The following SHISA9 variants were observed in gnomAD, a reference collection of about 807,000 sequenced individuals.
The protein encoded by SHISA9 is protein shisa-9.
In SHISA9, 13 loss-of-function variants were observed where a neutral mutation model predicts 38.0. The observed-to-expected ratio is 0.34, with a 90% CI of 0.22 to 0.54. SHISA9 has a LOEUF of 0.54. SHISA9 is among the 20% of genes least tolerant of loss of function. The pLI is 0.91. For synonymous variants in SHISA9, 275 were observed against 242.0 expected (o/e 1.14, Z -1.27); for missense variants, 538 against 575.8 (o/e 0.93, Z 0.67).
At chr16:13,178,431 T>C (rs1450370850) in intron 2 of SHISA9, among the ~76,000 whole-genome samples, 1 of 152,108 alleles carries the variant, frequency 6.6e-6, no homozygotes, top group Non-Finnish European at 1.5e-5. Context: ...CCTCCCATCT[T>C]GGGCCCCACG....
intron 2 of SHISA9, among the ~76,000 whole-genome samples, chr16:13,061,993 G>C (rs1453315596): frequency 6.6e-6 from 1 of 152,162 alleles, no homozygotes; most frequent in East Asian, 1.9e-4. Flanking sequence ...GGCTGGACTT[G>C]AGTGAGGCAG....
chr16:13,315,713 G>C, the SHISA9 span, among the ~76,000 whole-genome samples: 7 of 152,332 alleles, frequency 4.6e-5, no homozygotes, highest in Non-Finnish European at 1.0e-4. Context: ...GCATGGAGGA[G>C]TGCCTGGTGC....
chr16:13,327,689 C>G, the SHISA9 span, among the ~76,000 whole-genome samples: 1 of 151,934 alleles, frequency 6.6e-6, no homozygotes, highest in African/African-American at 2.4e-5. Flanking sequence ...CAGGGTCTTG[C>G]TTTGTTGCCC....
chr16:13,214,767 T>C (rs1596738540), intron 4 of SHISA9, among the ~76,000 whole-genome samples: 1 of 152,168 alleles, frequency 6.6e-6, no homozygotes, highest in East Asian at 1.9e-4. Flanking sequence ...AAACTCCCAT[T>C]TTTAAAACCA....
intron 2 of SHISA9, among the ~76,000 whole-genome samples, chr16:13,093,074 A>G (rs950585594): frequency 6.6e-6 from 1 of 152,182 alleles, no homozygotes. Flanking sequence ...ATGGAAAGGA[A>G]TATAGCTTTG....
At chr16:12,995,355 C>G (rs1213786668) in intron 2 of SHISA9, among the ~76,000 whole-genome samples, 1 of 152,174 alleles carries the variant, frequency 6.6e-6, no homozygotes, top group Admixed American at 6.5e-5. Context: ...GCTGGTACTT[C>G]TTGAACTTTA....
At chr16:13,428,773 G>GTTT in the SHISA9 span, among the ~76,000 whole-genome samples, 15,721 of 145,140 alleles carry the variant, frequency 0.11, 1,106 homozygotes, top group African/African-American at 0.15. Context: ...TTGTTTTATT[G>GTTT]TTTTTTTTTT....
chr16:13,145,526 TCAA>T (rs10680412), intron 2 of SHISA9, among the ~76,000 whole-genome samples: 43 of 152,096 alleles, frequency 2.8e-4, no homozygotes, highest in Non-Finnish European at 4.9e-4. Flanking sequence ...AAACACCATC[TCAA>T]CAACAACAAC....
chr16:13,150,045 A>AC (rs1389644466), intron 2 of SHISA9, among the ~76,000 whole-genome samples: 1 of 149,706 alleles, frequency 6.7e-6, no homozygotes, highest in Admixed American at 6.6e-5. Context: ...AAAAAAAAAA[A>AC]AAAAAAAAAA....
the SHISA9 span, among the ~76,000 whole-genome samples, chr16:13,476,006 C>T: frequency 2.6e-5 from 4 of 152,174 alleles, no homozygotes; most frequent in Middle Eastern, 3.2e-3. Flanking sequence ...CCACTGCTCA[C>T]CTCCTGCTGT....
At chr16:12,919,217 G>T (rs1304438129) in intron 2 of SHISA9, among the ~76,000 whole-genome samples, 5 of 152,164 alleles carry the variant, frequency 3.3e-5, no homozygotes, top group Non-Finnish European at 7.3e-5. Flanking sequence ...CTGATAAATG[G>T]AAAATTAGAC....
intron 2 of SHISA9, among the ~76,000 whole-genome samples, chr16:13,166,361 G>T (rs535651985): frequency 2.6e-5 from 4 of 152,304 alleles, no homozygotes; most frequent in African/African-American, 7.2e-5. Context: ...TGATAAAGCA[G>T]ATCAGTTCAT....
At chr16:12,964,710 A>C (rs909534045) in intron 2 of SHISA9, among the ~76,000 whole-genome samples, 1 of 152,164 alleles carries the variant, frequency 6.6e-6, no homozygotes, top group Non-Finnish European at 1.5e-5. Flanking sequence ...AGATCAACAC[A>C]ATTCAAGATC....
intron 2 of SHISA9, among the ~76,000 whole-genome samples, chr16:13,108,198 G>A (rs560346335): frequency 2.7e-4 from 41 of 151,078 alleles, no homozygotes; most frequent in Non-Finnish European, 3.2e-4. Flanking sequence ...TCCTGACCAC[G>A]CCTCACTGAA....
chr16:13,036,788 C>T (rs1031775096), intron 2 of SHISA9, among the ~76,000 whole-genome samples: 2 of 150,996 alleles, frequency 1.3e-5, no homozygotes, highest in African/African-American at 4.9e-5. Flanking sequence ...AATTCAGGAC[C>T]ACGGACAGCA....
intron 2 of SHISA9, among the ~76,000 whole-genome samples, chr16:13,070,053 T>C (rs1292011316): frequency 2.0e-5 from 3 of 151,940 alleles, no homozygotes; most frequent in African/African-American, 7.3e-5. Context: ...ACTTGGAAAT[T>C]TGGGGGCTTC....
At chr16:13,253,466 T>C in the SHISA9 span, among the ~76,000 whole-genome samples, 2 of 152,132 alleles carry the variant, frequency 1.3e-5, no homozygotes, top group Non-Finnish European at 2.9e-5. Context: ...TAAGAAGAGG[T>C]TTAATGGACT....
At chr16:13,367,973 G>A in the SHISA9 span, among the ~76,000 whole-genome samples, 1 of 152,038 alleles carries the variant, frequency 6.6e-6, no homozygotes, top group Admixed American at 6.5e-5. Flanking sequence ...AGTTACATAT[G>A]TATACATGTG....
At chr16:13,250,472 C>G in the SHISA9 span, among the ~76,000 whole-genome samples, 3 of 152,148 alleles carry the variant, frequency 2.0e-5, no homozygotes, top group South Asian at 6.2e-4. Flanking sequence ...CATTTTAATT[C>G]TAGCTCTGAA....
Sources: gnomAD v4.1 joint callset for allele counts (sites outside exome capture counted in the v4.1 genomes callset) on GRCh38, gnomAD v4.1.1 for gene constraint, MANE v1.5 for transcripts, NCBI Gene and HGNC (gene_info 2026-07-23, HGNC 2026-07-21) for gene names.